Variants in ASAP2 observed in about 807,000 individuals in gnomAD.
ASAP2 encodes the protein ArfGAP with SH3 domain, ankyrin repeat and PH domain 2.
Under a neutral mutation model 131.4 loss-of-function variants are expected in ASAP2, and 45 were observed. The ratio of observed to expected loss-of-function variants is 0.34; its 90% CI spans 0.27 to 0.44. The LOEUF (loss-of-function observed/expected upper bound fraction) is 0.44, where lower values mean the gene tolerates loss of function less well. Ranked by LOEUF, ASAP2 falls within the 20% of genes least tolerant of loss-of-function variation. The pLI, the probability that ASAP2 is intolerant of heterozygous loss-of-function variation, is 1.00. For missense variants in ASAP2, 1,011 were observed against 1,297.0 expected (o/e 0.78, Z 3.39); for synonymous variants, 510 against 503.0 (o/e 1.01, Z -0.19).
intron 9 of ASAP2, among the ~76,000 whole-genome samples, chr2:9,336,283 GTCCC>G (rs1214539229): frequency 6.6e-6 from 1 of 151,900 alleles, no homozygotes; most frequent in Admixed American, 6.6e-5. Context: ...GATGAAGCAG[GTCCC>G]TCCCTCCCTC....
chr2:9,290,954 T>G (rs1299756196), intron 2 of ASAP2, among the ~76,000 whole-genome samples: 1 of 152,244 alleles, frequency 6.6e-6, no homozygotes, highest in African/African-American at 2.4e-5. Flanking sequence ...CCACCACTGT[T>G]AGCATTTTGA....
Position 9,403,358 on chromosome 2 carries a change from T to A in ASAP2, c.*31T>A. 1.2e-6 allele frequency: 2 copies of A among 1,605,288 alleles called. No homozygotes were observed. Among genetic ancestry groups the A allele is most frequent in the African/African-American group, 2.7e-5 (2 of 74,886 alleles). On this transcript the variant is annotated 3_prime_UTR_variant, in exon 28 of 28. Transcript: ENST00000281419. ...TACTGAACAAAAGCATTAACAGTTA[T>A]GTTCCTGTTTCGTTATTGGTACCAA...
intron 19 of ASAP2, among the ~76,000 whole-genome samples, chr2:9,379,698 A>G (rs1029741410): frequency 2.6e-5 from 4 of 152,234 alleles, no homozygotes. Context: ...AGCCGTGCTT[A>G]TCATTAAAAA....
intron 11 of ASAP2, among the ~76,000 whole-genome samples, chr2:9,345,846 G>A (rs1407946469): frequency 1.3e-5 from 2 of 152,126 alleles, no homozygotes; most frequent in Non-Finnish European, 1.5e-5. Context: ...GTTCATAAGG[G>A]AATAGAGTAA....
intron 15 of ASAP2, among the ~76,000 whole-genome samples, chr2:9,361,932 T>A (rs1175211551): frequency 6.6e-6 from 1 of 151,962 alleles, no homozygotes; most frequent in Admixed American, 6.6e-5. Flanking sequence ...GATGAAGGAT[T>A]TCCTGAAGTC....
Position 9,358,878 on chromosome 2 carries a change from T to A in ASAP2, c.1450T>A (p.Ser484Thr). Reference sequence around the variant, plus strand: ...CCTGACCTTAGATGTACTGGGAACATCTGAGCTGCTGGTAATTTTTAAATC... The same window carrying A: ...CCTGACCTTAGATGTACTGGGAACAACTGAGCTGCTGGTAATTTTTAAATC... ...QSLTLDVLGT[S>T]ELLLAKNIGN... The change falls in exon 15 of 28, where the codon TCT becomes ACT. Residue 484 changes from serine to threonine, a missense_variant. Physicochemically the swap from Ser to Thr is moderately conservative, Grantham distance 58. This residue lies in a region of ASAP2 where 652 missense variants were observed against 698.9 expected (regional missense o/e 0.93). Coordinates refer to ENST00000281419, the MANE Select transcript of ASAP2 (RefSeq NM_003887.3). 6.2e-7 allele frequency: 1 copy of A among 1,606,218 alleles called. No individual in the cohort carries two copies. Among genetic ancestry groups the A allele is most frequent in the Non-Finnish European group, 8.5e-7 (1 of 1,176,688 alleles).
chr2:9,207,343 G>A lies in ASAP2; in HGVS notation c.126+113G>A, dbSNP rs1228953706. Reference sequence around the variant, plus strand: ...TTTCTTTGCTCCGAAGCCGGACGCGGCCGGGCCAACCCTGCCCGAGACAGA... The same window carrying A: ...TTTCTTTGCTCCGAAGCCGGACGCGACCGGGCCAACCCTGCCCGAGACAGA... On this transcript the variant is annotated intron_variant, in intron 1 of 27. Transcript: ENST00000281419. The surrounding 1 kb of genome is among the most constrained non-coding windows in gnomAD (Gnocchi z 4.1). The A allele has an allele frequency of 8.7e-6, 12 of 1,380,856 alleles. No individual in the cohort carries two copies. Among genetic ancestry groups the A allele is most frequent in the East Asian group, 2.9e-5 (1 of 35,020 alleles). The allele number at this position is 1,380,856 out of a possible 1,614,324, so 85.5% of individuals were successfully genotyped here. A position where few individuals can be genotyped will look rare whatever the true frequency, so the allele number is the denominator to read the frequency against.
intron 1 of ASAP2, among the ~76,000 whole-genome samples, chr2:9,245,718 C>T (rs1472579434): frequency 6.6e-6 from 1 of 152,158 alleles, no homozygotes; most frequent in Non-Finnish European, 1.5e-5. Context: ...GCTTGCTTTC[C>T]TTCCTCCCGT....
chr2:9,394,034 C>G (rs995971640), intron 24 of ASAP2, among the ~76,000 whole-genome samples: 1 of 152,078 alleles, frequency 6.6e-6, no homozygotes, highest in Non-Finnish European at 1.5e-5. Context: ...CTACCTCACA[C>G]AATACCACCT....
At chr2:9,399,769 A>T (rs559428964) in intron 24 of ASAP2, 12 of 538,316 alleles carry the variant, frequency 2.2e-5, no homozygotes, top group Non-Finnish European at 3.7e-5. Flanking sequence ...GACCCTGGCC[A>T]TCGGTGGCAG....
chr2:9,233,807 A>G (rs909451972), intron 1 of ASAP2, among the ~76,000 whole-genome samples: 10 of 152,132 alleles, frequency 6.6e-5, no homozygotes, highest in Admixed American at 3.3e-4. Context: ...CATCATCCCC[A>G]TGTTTAAAGA....
intron 3 of ASAP2, among the ~76,000 whole-genome samples, chr2:9,298,095 T>A (rs1668262046): frequency 6.6e-6 from 1 of 152,190 alleles, no homozygotes; most frequent in Admixed American, 6.5e-5. Context: ...AGAGGGCTGT[T>A]TGGGACCCTG....
At chr2:9,344,846 G>A (rs1365768463) in intron 11 of ASAP2, 46 bp downstream of exon 11, 6 of 1,557,952 alleles carry the variant, frequency 3.9e-6, no homozygotes, top group African/African-American at 1.4e-5. Flanking sequence ...ATTAGGTGAG[G>A]TTGGTGTTGG....
intron 2 of ASAP2, among the ~76,000 whole-genome samples, chr2:9,283,662 G>T (rs1667274843): frequency 6.6e-6 from 1 of 152,170 alleles, no homozygotes; most frequent in Non-Finnish European, 1.5e-5. Context: ...AGATTGGTGG[G>T]TTAAACAACA....
intron 1 of ASAP2, among the ~76,000 whole-genome samples, chr2:9,251,586 T>TC (rs1447364285): frequency 2.0e-5 from 3 of 152,164 alleles, no homozygotes; most frequent in Non-Finnish European, 4.4e-5. Context: ...ACTTTCCTTT[T>TC]CCCTCCATCC....
chr2:9,263,070 G>A (rs565296345), intron 1 of ASAP2, among the ~76,000 whole-genome samples: 1 of 152,160 alleles, frequency 6.6e-6, no homozygotes, highest in Admixed American at 6.5e-5. Flanking sequence ...CTCTGAGCTC[G>A]GCTGCCTTCT....
rs897153464 is a variant in ASAP2 at position 9,397,727 on chromosome 2, G to GAGATATAT, written c.2685-2295_2685-2294insGATATATA. Among the ~76,000 whole-genome samples, 23 of 83,522 alleles carry GAGATATAT rather than the reference G, an allele frequency of 2.8e-4. 2 individuals are homozygous for GAGATATAT. The highest frequency in any genetic ancestry group is 1.7e-3 in the African/African-American group (22 of 12,984). 54.8% of individuals were successfully genotyped at this position (83,522 alleles called of 152,430 possible). A position where few individuals can be genotyped will look rare whatever the true frequency, so the allele number is the denominator to read the frequency against. On this transcript the variant is annotated intron_variant, in intron 24 of 27. Transcript: ENST00000281419. ...TTGGTTGGGAAAAAAAAATCAAAAGGATATATATATATATATATATATATT... is the reference window on the plus strand; with the variant it reads ...TTGGTTGGGAAAAAAAAATCAAAAGGAGATATATATATATATATATATATATATATATT...
chr2:9,347,442 G>A (rs956963951), intron 11 of ASAP2, among the ~76,000 whole-genome samples: 42 of 152,306 alleles, frequency 2.8e-4, no homozygotes, highest in African/African-American at 9.9e-4. Context: ...AGGAAAAAAG[G>A]GCACATTTCC....
chr2:9,346,197 G>A (rs1379295413), intron 11 of ASAP2, among the ~76,000 whole-genome samples: 1 of 152,118 alleles, frequency 6.6e-6, no homozygotes, highest in African/African-American at 2.4e-5. Context: ...GGAGGCCGAG[G>A]CGGGCAGATC....
Sources: gnomAD v4.1 joint callset for allele counts (sites outside exome capture counted in the v4.1 genomes callset) on GRCh38, gnomAD v4.1.1 for gene constraint, gnomAD v4.1.1 regional missense constraint, Gnocchi (gnomAD v3.1) non-coding constraint, MANE v1.5 for transcripts, NCBI Gene and HGNC (gene_info 2026-07-23, HGNC 2026-07-21) for gene names.